The following PTPRD variants were observed in gnomAD, a reference collection of about 807,000 sequenced individuals.
The protein encoded by PTPRD is protein tyrosine phosphatase receptor type D, also known as receptor-type tyrosine-protein phosphatase delta.
In PTPRD, 34 loss-of-function variants were observed where a neutral mutation model predicts 214.5. The observed-to-expected ratio is 0.16, with a 90% confidence interval of 0.12 to 0.21. The LOEUF is 0.21. PTPRD is among the 10% of genes least tolerant of loss of function. PTPRD has a pLI of 1.00. For synonymous variants in PTPRD, 1,128 were observed against 845.7 expected, an observed-to-expected ratio of 1.33 and a Z score of -5.79; for missense variants, 2,545 against 2,398.7, an observed-to-expected ratio of 1.06 and a Z score of -1.27.
At chr9:9,264,414 G>C (rs1264608324) in intron 9 of PTPRD, among the ~76,000 whole-genome samples, 1 of 151,442 alleles carries the variant, frequency 6.6e-6, no homozygotes, top group Non-Finnish European at 1.5e-5. Flanking sequence ...GAGTGTCAAA[G>C]GCATACTTAA....
chr9:8,667,841 A>G (rs1041100404), intron 12 of PTPRD, among the ~76,000 whole-genome samples: 1 of 152,194 alleles, frequency 6.6e-6, no homozygotes, highest in East Asian at 1.9e-4. Context: ...CTCAACCTGT[A>G]TCATAATTAC....
chr9:10,327,171 G>GTATATA (rs33959310), intron 3 of PTPRD, among the ~76,000 whole-genome samples: 222 of 142,886 alleles, frequency 1.6e-3, no homozygotes, highest in South Asian at 3.3e-3. Flanking sequence ...ATATGTGTGT[G>GTATATA]TATATATATA....
intron 11 of PTPRD, among the ~76,000 whole-genome samples, chr9:8,777,216 G>C (rs1232661608): frequency 3.3e-5 from 5 of 152,032 alleles, no homozygotes; most frequent in African/African-American, 1.2e-4. Flanking sequence ...CTGGGCTCAA[G>C]TGATACTCCT....
In PTPRD at chr9:10,595,083, T is replaced by C. The variant is rs530765920; in HGVS notation, c.-600+17315A>G. Among the ~76,000 whole-genome samples the C allele has an allele frequency of 2.3e-3, 346 of 151,972 alleles. 3 individuals carry two copies. Among genetic ancestry groups the C allele is most frequent in the African/African-American group, 8.1e-3 (337 of 41,494 alleles). On this transcript the variant is annotated intron_variant, in intron 2 of 45. Transcript: ENST00000381196. ...ATCTCAGAGTTTAAAATAACCAATT[T>C]GCTTATATTGTTTCGTTCTTGTCTA...
Position 10,589,205 on chromosome 9 carries a change from G to C in PTPRD, c.-600+23193C>G, listed in dbSNP as rs1017714727. On this transcript the variant is annotated intron_variant, in intron 2 of 45. Coordinates refer to ENST00000381196, the MANE Select transcript of PTPRD (RefSeq NM_002839.4). Reference sequence around the variant, plus strand: ...CTATAAAAGGATTTCAGAAATGTCTGTGTGGGTCAGATAAACAGGTCAAAA... The same window carrying C: ...CTATAAAAGGATTTCAGAAATGTCTCTGTGGGTCAGATAAACAGGTCAAAA... Among the ~76,000 whole-genome samples, 4 of 152,038 alleles carry C rather than the reference G, an allele frequency of 2.6e-5. No individual in the cohort carries two copies. In the East Asian group the frequency reaches 5.8e-4, roughly 22 times the overall value.
chr9:10,218,909 G>T (rs1332953950), intron 3 of PTPRD, among the ~76,000 whole-genome samples: 1 of 151,522 alleles, frequency 6.6e-6, no homozygotes, highest in African/African-American at 2.4e-5. Context: ...AAACAATATG[G>T]TAAGAATACT....
chr9:10,508,154 T>C (rs1333822627), intron 2 of PTPRD, among the ~76,000 whole-genome samples: 1 of 152,212 alleles, frequency 6.6e-6, no homozygotes, highest in African/African-American at 2.4e-5. Flanking sequence ...CAGACACTTC[T>C]CAAAAGAAGA....
At chr9:9,928,841 A>G (rs1321394035) in intron 5 of PTPRD, among the ~76,000 whole-genome samples, 3 of 151,818 alleles carry the variant, frequency 2.0e-5, no homozygotes, top group African/African-American at 7.3e-5. Flanking sequence ...TTTTCTTTAA[A>G]CTTGATGCTT....
At chr9:8,521,658 T>A in intron 19 of PTPRD, 112 bp from the exon 20 acceptor site, 1 of 1,269,036 alleles carries the variant, frequency 7.9e-7, no homozygotes, top group Middle Eastern at 1.9e-4. Context: ...ACATTGTGGA[T>A]TGTCCAAAAA....
intron 12 of PTPRD, among the ~76,000 whole-genome samples, chr9:8,650,381 T>C (rs1482362972): frequency 1.3e-5 from 2 of 151,698 alleles, no homozygotes; most frequent in African/African-American, 4.8e-5. Context: ...AATACAAAAT[T>C]AGGCACAGTG....
At chr9:10,014,792 CAAA>C (rs1328076884) in intron 4 of PTPRD, among the ~76,000 whole-genome samples, 1 of 151,934 alleles carries the variant, frequency 6.6e-6, no homozygotes, top group African/African-American at 2.4e-5. Context: ...TGTATTGCAA[CAAA>C]AGACCTTTGA....
intron 3 of PTPRD, among the ~76,000 whole-genome samples, chr9:10,181,719 G>A (rs2099289796): frequency 6.6e-6 from 1 of 151,012 alleles, no homozygotes; most frequent in African/African-American, 2.4e-5. Flanking sequence ...CATAATCTAT[G>A]GCAAGGTGAA....
At chr9:10,135,122 A>C (rs2098932578) in intron 3 of PTPRD, among the ~76,000 whole-genome samples, 1 of 152,214 alleles carries the variant, frequency 6.6e-6, no homozygotes, top group Admixed American at 6.5e-5. Context: ...CTGAGGAAAG[A>C]ATCTCAGATC....
intron 5 of PTPRD, among the ~76,000 whole-genome samples, chr9:9,898,170 G>C (rs952453131): frequency 6.6e-6 from 1 of 151,950 alleles, no homozygotes; most frequent in Non-Finnish European, 1.5e-5. Flanking sequence ...ATGTTTTAGG[G>C]ATAAACTAGG....
At chr9:8,805,745 C>T (rs1296681885) in intron 11 of PTPRD, among the ~76,000 whole-genome samples, 2 of 151,276 alleles carry the variant, frequency 1.3e-5, no homozygotes, top group South Asian at 2.1e-4. Context: ...CCTGTAATTC[C>T]AGCATTTTGG....
intron 12 of PTPRD, among the ~76,000 whole-genome samples, chr9:8,670,896 A>C (rs954490581): frequency 6.6e-6 from 1 of 152,218 alleles, no homozygotes; most frequent in Non-Finnish European, 1.5e-5. Context: ...TTGAGAGAGC[A>C]GCTGAGTTTT....
intron 2 of PTPRD, among the ~76,000 whole-genome samples, chr9:10,399,527 A>G (rs2098234415): frequency 6.6e-6 from 1 of 151,956 alleles, no homozygotes; most frequent in African/African-American, 2.4e-5. Context: ...ACCACATGAA[A>G]CTAGTTTTAA....
At chr9:8,587,718 G>C (rs1381307738) in intron 14 of PTPRD, among the ~76,000 whole-genome samples, 3 of 152,180 alleles carry the variant, frequency 2.0e-5, no homozygotes, top group Admixed American at 2.0e-4. Flanking sequence ...GCTGTACATG[G>C]TCCTTACAGC....
intron 2 of PTPRD, among the ~76,000 whole-genome samples, chr9:10,454,341 G>A (rs560827537): frequency 1.8e-4 from 27 of 151,160 alleles, no homozygotes; most frequent in African/African-American, 5.6e-4. Flanking sequence ...TTGGAAAATA[G>A]TACAGGGTTT....
Sources: allele counts gnomAD v4.1 joint callset (sites outside exome capture counted in the v4.1 genomes callset), GRCh38; gene constraint gnomAD v4.1.1; transcripts MANE v1.5; gene names NCBI Gene and HGNC (gene_info 2026-07-23, HGNC 2026-07-21).